The following DRC2 variants were observed in gnomAD, a reference collection of about 807,000 sequenced individuals.
DRC2 encodes the protein coiled-coil domain containing 65.
At chr12:48,917,090 G>A in the DRC2 span, 1 of 1,614,106 alleles carries the variant, frequency 6.2e-7, no homozygotes, top group South Asian at 1.1e-5. Flanking sequence ...AGAGCATGTG[G>A]AATGATCTCA....
the DRC2 span, chr12:48,905,034 C>T: frequency 6.2e-7 from 1 of 1,613,914 alleles, no homozygotes; most frequent in Non-Finnish European, 8.5e-7. Context: ...GAAGTCAAGA[C>T]CAGAGAACTT....
At chr12:48,914,642 G>T in the DRC2 span, 1 of 1,480,676 alleles carries the variant, frequency 6.8e-7, no homozygotes. Flanking sequence ...TCAAGGAGTT[G>T]CCTGTAAGCA....
chr12:48,906,476 G>A, the DRC2 span, among the ~76,000 whole-genome samples: 20 of 151,706 alleles, frequency 1.3e-4, no homozygotes, highest in Admixed American at 1.2e-3. Context: ...TAGAGATGGG[G>A]TTTCTTCATG....
At chr12:48,921,329 C>T in the DRC2 span, 36 of 1,614,154 alleles carry the variant, frequency 2.2e-5, no homozygotes, top group African/African-American at 4.0e-5. Context: ...CAGTGAGTGA[C>T]GAAGTGCTGA....
At chr12:48,918,503 C>A in the DRC2 span, 1 of 1,600,714 alleles carries the variant, frequency 6.2e-7, no homozygotes, top group Non-Finnish European at 8.5e-7. Flanking sequence ...ATACTCACTG[C>A]TTTAACTGCT....
the DRC2 span, among the ~76,000 whole-genome samples, chr12:48,909,778 C>CTT: frequency 2.3e-4 from 32 of 138,994 alleles, no homozygotes; most frequent in African/African-American, 4.3e-4. Flanking sequence ...CGCCCAGCCT[C>CTT]TTTTTTTTTT....
chr12:48,920,453 A>ATT, the DRC2 span, among the ~76,000 whole-genome samples: 2 of 146,596 alleles, frequency 1.4e-5, no homozygotes, highest in Non-Finnish European at 3.0e-5. Flanking sequence ...AAAAAAAAAA[A>ATT]AAAAAAAAAA....
the DRC2 span, chr12:48,918,707 G>A: frequency 6.2e-7 from 1 of 1,613,644 alleles, no homozygotes; most frequent in African/African-American, 1.3e-5. Context: ...ATTTCAAAAG[G>A]CAAGATCATG....
At chr12:48,915,918 G>C in the DRC2 span, among the ~76,000 whole-genome samples, 1 of 150,988 alleles carries the variant, frequency 6.6e-6, no homozygotes, top group African/African-American at 2.4e-5. Flanking sequence ...TCACCTCCCA[G>C]ACGGGGTGGC....
the DRC2 span, among the ~76,000 whole-genome samples, chr12:48,906,784 T>G: frequency 5.3e-5 from 8 of 151,608 alleles, no homozygotes; most frequent in Non-Finnish European, 1.0e-4. Context: ...CAGGCTGGTC[T>G]GGAACTCCTG....
the DRC2 span, chr12:48,904,967 C>G: frequency 1.2e-6 from 2 of 1,608,516 alleles, no homozygotes; most frequent in East Asian, 4.5e-5. Context: ...CAAGGAGGAA[C>G]ACAACAGTGC....
chr12:48,920,829 T>C, the DRC2 span: 8 of 1,094,902 alleles, frequency 7.3e-6, no homozygotes, highest in African/African-American at 3.2e-5. Flanking sequence ...TGTTTCCCAC[T>C]TGGATGAGTA....
the DRC2 span, among the ~76,000 whole-genome samples, chr12:48,914,091 G>A: frequency 6.6e-6 from 1 of 151,750 alleles, no homozygotes; most frequent in Non-Finnish European, 1.5e-5. Context: ...ATTTTTATGG[G>A]TTTTTTTGTT....
chr12:48,907,782 C>G, the DRC2 span, among the ~76,000 whole-genome samples: 1 of 152,122 alleles, frequency 6.6e-6, no homozygotes, highest in Non-Finnish European at 1.5e-5. Flanking sequence ...TTGCATGACA[C>G]CATTCTGTCA....
At chr12:48,918,648 T>G in the DRC2 span, 12 of 1,595,738 alleles carry the variant, frequency 7.5e-6, no homozygotes, top group African/African-American at 1.3e-5. Flanking sequence ...CCTCAGTTGG[T>G]CAAGTAGATT....
At chr12:48,916,048 CG>C in the DRC2 span, among the ~76,000 whole-genome samples, 3 of 149,620 alleles carry the variant, frequency 2.0e-5, no homozygotes, top group South Asian at 6.4e-4. Flanking sequence ...TGATGGCGGC[CG>C]GGAAGAGGCG....
the DRC2 span, among the ~76,000 whole-genome samples, chr12:48,915,289 T>A: frequency 6.0e-5 from 9 of 149,934 alleles, no homozygotes; most frequent in African/African-American, 2.2e-4. Flanking sequence ...CCTGGGTACT[T>A]GAGATTAGGG....
the DRC2 span, chr12:48,918,856 C>T: frequency 6.2e-7 from 1 of 1,614,070 alleles, no homozygotes; most frequent in Non-Finnish European, 8.5e-7. Flanking sequence ...CAGACTCACC[C>T]TGGAAAGTAA....
chr12:48,911,471 C>A, the DRC2 span, among the ~76,000 whole-genome samples: 1 of 152,082 alleles, frequency 6.6e-6, no homozygotes, highest in Non-Finnish European at 1.5e-5. Context: ...GGTGGGGGAT[C>A]AATTGAGCCT....
Sources: allele counts gnomAD v4.1 joint callset (sites outside exome capture counted in the v4.1 genomes callset), GRCh38; gene constraint gnomAD v4.1.1; transcripts MANE v1.5; gene names NCBI Gene and HGNC (gene_info 2026-07-23, HGNC 2026-07-21).